Variants in MBD5 observed in about 807,000 individuals in gnomAD.
MBD5 encodes methyl-CpG binding domain protein 5.
Under a neutral mutation model 117.3 loss-of-function variants are expected in MBD5, and 13 were observed. The ratio of observed to expected loss-of-function variants is 0.11; its 90% confidence interval spans 0.07 to 0.18. The LOEUF (loss-of-function observed/expected upper bound fraction) is 0.18. Ranked by LOEUF, MBD5 falls within the 10% of genes least tolerant of loss-of-function variation. MBD5 has a pLI of 1.00. For missense variants in MBD5, 1,879 were observed against 2,093.8 expected (o/e 0.90, Z 2.00); for synonymous variants, 727 against 766.4 (o/e 0.95, Z 0.85).
At chr2:148,288,321 A>C in intron 3 of MBD5, among the ~76,000 whole-genome samples, 1 of 102,522 alleles carries the variant, frequency 9.8e-6, no homozygotes, top group Non-Finnish European at 2.1e-5. Context: ...AATGGCGTGA[A>C]CCCGGGAGGC....
chr2:148,205,042 CT>C (rs1223617541), intron 2 of MBD5, among the ~76,000 whole-genome samples: 10 of 151,852 alleles, frequency 6.6e-5, no homozygotes, highest in African/African-American at 2.4e-4. Flanking sequence ...GTTTTCTCCA[CT>C]TTTTTTCCCC....
chr2:148,161,053 C>T (rs578228936), intron 1 of MBD5, among the ~76,000 whole-genome samples: 1 of 152,300 alleles, frequency 6.6e-6, no homozygotes, highest in African/African-American at 2.4e-5. Flanking sequence ...TAAATCACAA[C>T]CATGAGTCAG....
At chr2:148,270,847 T>C (rs918953209) in intron 3 of MBD5, among the ~76,000 whole-genome samples, 2 of 152,178 alleles carry the variant, frequency 1.3e-5, no homozygotes, top group Non-Finnish European at 2.9e-5. Context: ...CCTCTACTGC[T>C]CTTTATCACT....
At chr2:148,509,980 T>G in intron 12 of MBD5, 80 bp from the exon 13 acceptor site, 1 of 1,168,096 alleles carries the variant, frequency 8.6e-7, no homozygotes, top group Non-Finnish European at 1.3e-6. Context: ...AATTGGTACT[T>G]TTGTTTTCTG....
chr2:148,431,098 G>T (rs1481907170), intron 4 of MBD5, among the ~76,000 whole-genome samples: 1 of 152,032 alleles, frequency 6.6e-6, no homozygotes, highest in Non-Finnish European at 1.5e-5. Flanking sequence ...CTTGCAAGGT[G>T]ATCTGAGTAC....
At chr2:148,364,612 A>G (rs1574337697) in intron 4 of MBD5, among the ~76,000 whole-genome samples, 1 of 152,194 alleles carries the variant, frequency 6.6e-6, no homozygotes, top group South Asian at 2.1e-4. Context: ...ACACGCAAAG[A>G]CACACATAGG....
At chr2:148,242,569 C>G (rs552409380) in intron 3 of MBD5, among the ~76,000 whole-genome samples, 2 of 152,134 alleles carry the variant, frequency 1.3e-5, no homozygotes, top group South Asian at 4.1e-4. Flanking sequence ...TATTTCTTTT[C>G]TATCAAAGAA....
At chr2:148,509,975 G>A (rs946296522) in intron 12 of MBD5, 85 bp from the exon 13 acceptor site, 4 of 1,068,862 alleles carry the variant, frequency 3.7e-6, no homozygotes, top group Non-Finnish European at 5.7e-6. Context: ...CGTGGAATTG[G>A]TACTTTTGTT....
intron 11 of MBD5, among the ~76,000 whole-genome samples, chr2:148,496,526 T>C (rs770284421): frequency 4.6e-5 from 7 of 152,236 alleles, no homozygotes; most frequent in Non-Finnish European, 1.0e-4. Flanking sequence ...AGCTTGTTCA[T>C]ATAATTTCAG....
Position 148,259,683 on chromosome 2 carries a change from C to T in MBD5, c.-680+26288C>T, listed in dbSNP as rs183283276. ...AAGTGAGCCATATGTGCAGCATTAC[C>T]GGGGTAATTATACCTTTTACAGACA... On this transcript the variant is annotated intron_variant, in intron 3 of 13. Coordinates refer to ENST00000642680, the MANE Select transcript of MBD5 (RefSeq NM_001378120.1). Among the ~76,000 whole-genome samples, 388 of 152,226 alleles carry T rather than the reference C, an allele frequency of 2.5e-3. 1 individual carries two copies. The highest frequency in any genetic ancestry group is 0.01 in the Middle Eastern group (3 of 294).
intron 3 of MBD5, among the ~76,000 whole-genome samples, chr2:148,341,743 A>G (rs920033247): frequency 2.0e-5 from 3 of 151,986 alleles, no homozygotes; most frequent in African/African-American, 7.2e-5. Context: ...ACCACATTTT[A>G]AAGTGGGAAT....
In MBD5 at chr2:148,514,215, T is replaced by C. The variant is rs1469723872; in HGVS notation, c.*1274T>C. On this transcript the variant is annotated 3_prime_UTR_variant, in exon 14 of 14. Coordinates refer to ENST00000642680, the MANE Select transcript of MBD5 (RefSeq NM_001378120.1). ...GTGCAGGTTAAATCTATTAACCAAA[T>C]TATTTATATTATATTAAGTAAGAAA... The C allele has an allele frequency of 6.6e-6, 1 of 152,164 alleles. No homozygotes were observed. The highest frequency in any genetic ancestry group is 1.5e-5 in the Non-Finnish European group (1 of 68,030). The allele number at this position is 152,164 out of a possible 1,614,324, so 9.4% of individuals were successfully genotyped here. A position where few individuals can be genotyped will look rare whatever the true frequency, so the allele number is the denominator to read the frequency against.
At chr2:148,490,949 A>G (rs1681505458) in intron 11 of MBD5, among the ~76,000 whole-genome samples, 1 of 152,206 alleles carries the variant, frequency 6.6e-6, no homozygotes. Flanking sequence ...ACTGGGGAAA[A>G]AAATCTGGTA....
At chr2:148,211,555 A>G (rs1424260715) in intron 2 of MBD5, among the ~76,000 whole-genome samples, 2 of 152,180 alleles carry the variant, frequency 1.3e-5, no homozygotes, top group Admixed American at 6.5e-5. Context: ...CATACTAATT[A>G]TAGATGTTCC....
chr2:148,057,772 CTTAAAG>C (rs1694910063), intron 1 of MBD5, among the ~76,000 whole-genome samples: 1 of 151,880 alleles, frequency 6.6e-6, no homozygotes, highest in African/African-American at 2.4e-5. Flanking sequence ...AATCTGAGAT[CTTAAAG>C]TTTAGCAGCT....
At chr2:148,479,304 C>T (rs1168094324) in intron 8 of MBD5, among the ~76,000 whole-genome samples, 1 of 152,176 alleles carries the variant, frequency 6.6e-6, no homozygotes, top group Non-Finnish European at 1.5e-5. Context: ...TGGCATTGGA[C>T]TAATACACTG....
chr2:148,363,908 T>G (rs1703619045), intron 4 of MBD5, among the ~76,000 whole-genome samples: 1 of 152,192 alleles, frequency 6.6e-6, no homozygotes, highest in East Asian at 1.9e-4. Flanking sequence ...TGGAACCAAG[T>G]TGGAAAACAC....
chr2:148,284,198 A>T (rs1274049152), intron 3 of MBD5, among the ~76,000 whole-genome samples: 1 of 152,190 alleles, frequency 6.6e-6, no homozygotes, highest in Admixed American at 6.5e-5. Context: ...GTTACATCTT[A>T]TTACATCAGA....
At chr2:148,041,963 C>A (rs1694371376) in intron 1 of MBD5, among the ~76,000 whole-genome samples, 1 of 152,162 alleles carries the variant, frequency 6.6e-6, no homozygotes, top group African/African-American at 2.4e-5. Context: ...TTTATCCTTT[C>A]CTATATTTTA....
Sources: allele counts gnomAD v4.1 joint callset (sites outside exome capture counted in the v4.1 genomes callset), GRCh38; gene constraint gnomAD v4.1.1; transcripts MANE v1.5; gene names NCBI Gene and HGNC (gene_info 2026-07-23, HGNC 2026-07-21).